Variants in PFKL observed in about 807,000 individuals in gnomAD.
The protein encoded by PFKL is phosphofructokinase, liver type.
Under a neutral mutation model 92.1 loss-of-function variants are expected in PFKL, and 74 were observed. The ratio of observed to expected loss-of-function variants is 0.80; its 90% CI spans 0.67 to 0.97. PFKL has a LOEUF of 0.97. Among genes scored for constraint, PFKL ranks in the 50% least tolerant of loss-of-function variants. The pLI is 0.00. For missense variants in PFKL, 1,028 were observed against 1,116.6 expected, an observed-to-expected ratio of 0.92 and a Z score of 1.13; for synonymous variants, 494 against 456.4, an observed-to-expected ratio of 1.08 and a Z score of -1.05.
intron 15 of PFKL, 128 bp from the exon 16 acceptor site, chr21:44,323,638 C>G (rs1022448396): frequency 1.0e-6 from 1 of 996,590 alleles, no homozygotes; most frequent in African/African-American, 1.6e-5. Flanking sequence ...CAGGTGGGTC[C>G]TGGCGTCCAG....
chr21:44,304,382 C>A, intron 1 of PFKL: 1 of 1,269,890 alleles, frequency 7.9e-7, no homozygotes, highest in Admixed American at 2.5e-5. Flanking sequence ...CAGAGAGGCC[C>A]TGTGGTTGGA....
chr21:44,326,181 A>C lies in PFKL; in HGVS notation c.2112A>C (p.Pro704=). The stretch of plus-strand genomic sequence containing the variant: ...CAGGACGGGTGTTCGCCAATGCCCC[A>C]GACTCGGCCTGCGTGATCGGCCTGA... ...YRKGRVFANA[P]DSACVIGLKK... is the part of the protein sequence containing the mutation. Residue 704 remains proline, a synonymous_variant, in exon 21 of 22, where the codon CCA becomes CCC. Transcript: ENST00000349048. 2 of 1,612,992 alleles carry C rather than the reference A, an allele frequency of 1.2e-6. No homozygotes were observed. Among genetic ancestry groups the C allele is most frequent in the Middle Eastern group, 1.6e-4 (1 of 6,062 alleles).
chr21:44,326,807 CAG>C lies in PFKL; in HGVS notation c.2289_2290del (p.Glu765AlafsTer77), dbSNP rs1306809442. ...CGCATCAGTATGGCCGCCTACGTGT[CAG>C]GGGAGCTGGAGCACGTGACCCGCCG... is the stretch of plus-strand genomic sequence containing the variant. On this transcript the variant is annotated frameshift_variant, in exon 22 of 22. Coordinates refer to ENST00000349048, the MANE Select transcript of PFKL (RefSeq NM_002626.6). LOFTEE classifies it high-confidence loss of function. The C allele has an allele frequency of 2.0e-5, 32 of 1,607,284 alleles. No individual in the cohort carries two copies. The Admixed American group carries it at 4.2e-4, about 21-fold the overall frequency.
At position 44,326,249 on chromosome 21, in the gene PFKL, A is replaced by C. The variant is rs11558848; in HGVS notation, c.2180A>C (p.Lys727Thr). ...VAFSPVTELK[K>T]DTDFEHRMPR... ...TTCAGCCCCGTCACTGAGCTCAAGA[A>C]AGACACTGATTTCGAGTGAGTTCCA... Residue 727 changes from lysine to threonine, a missense_variant, in exon 21 of 22, where the codon AAA (lysine) becomes ACA (threonine). Physicochemically the swap from Lys to Thr is moderately conservative, Grantham distance 78. Coordinates refer to ENST00000349048, the MANE Select transcript of PFKL (RefSeq NM_002626.6). The C allele has an allele frequency of 3.1e-6, 5 of 1,611,146 alleles. No individual in the cohort carries two copies. Among genetic ancestry groups the C allele is most frequent in the Admixed American group, 3.3e-5 (2 of 59,970 alleles).
chr21:44,325,447 AG>A, intron 19 of PFKL, 183 bp downstream of exon 19: 1 of 588,060 alleles, frequency 1.7e-6, no homozygotes, highest in South Asian at 2.0e-5. Flanking sequence ...CATTTCAAGA[AG>A]GGGTGGGGCT....
Position 44,321,766 on chromosome 21 carries a change from C to G in PFKL, c.1229C>G (p.Pro410Arg). 6.3e-7 allele frequency: 1 copy of G among 1,594,902 alleles called. No homozygotes were observed. The highest frequency in any genetic ancestry group is 8.5e-7 in the Non-Finnish European group (1 of 1,171,176). Reference sequence around the variant, plus strand: ...CTGGCCATCCTGAATGTGGGGGCCCCGGCGGCTGGCATGAATGCGGCCGTG... The same window carrying G: ...CTGGCCATCCTGAATGTGGGGGCCCGGGCGGCTGGCATGAATGCGGCCGTG... ...FSLAILNVGA[P>R]AAGMNAAVRS... The change falls in exon 13 of 22, where the codon CCG (proline) becomes CGG (arginine). Residue 410 changes from proline (P) to arginine (R), a missense_variant. By Grantham distance (103) the Pro-to-Arg change is moderately radical. Transcript: ENST00000349048.
intron 4 of PFKL, 116 bp from the exon 5 acceptor site, chr21:44,312,862 C>T: frequency 8.9e-7 from 1 of 1,121,976 alleles, no homozygotes; most frequent in Non-Finnish European, 1.3e-6. Context: ...AACTCCGGGG[C>T]CCCTGCCGGG....
At chr21:44,324,398 GGA>G in intron 16 of PFKL, 91 bp from the exon 17 acceptor site, 2 of 1,360,546 alleles carry the variant, frequency 1.5e-6, no homozygotes, top group South Asian at 2.5e-5. Flanking sequence ...GGCTGGCTTT[GGA>G]GACACAGGGC....
chr21:44,306,850 T>C, intron 2 of PFKL, 96 bp downstream of exon 2: 2 of 1,139,078 alleles, frequency 1.8e-6, no homozygotes, highest in South Asian at 1.3e-5. Flanking sequence ...GGAGACGGGG[T>C]GGTCCTGGCC....
intron 13 of PFKL, 129 bp downstream of exon 13, chr21:44,322,004 G>A: frequency 6.9e-7 from 1 of 1,440,518 alleles, no homozygotes; most frequent in Non-Finnish European, 9.4e-7. Context: ...TGCCCACCCG[G>A]GCCTGGGTAC....
At chr21:44,324,771 T>C (rs2047453146) in intron 17 of PFKL, 85 bp from the exon 18 acceptor site, 1 of 1,577,088 alleles carries the variant, frequency 6.3e-7, no homozygotes, top group African/African-American at 1.3e-5. Context: ...CGTAGCCCAG[T>C]GCTCCTGCTG....
intron 15 of PFKL, among the ~76,000 whole-genome samples, 182 bp downstream of exon 15, chr21:44,323,231 C>G (rs922053410): frequency 3.3e-5 from 5 of 151,942 alleles, no homozygotes; most frequent in East Asian, 1.9e-4. Context: ...TGGGCTGATG[C>G]AGGGGCCGAG....
chr21:44,303,245 A>AG (rs397867106), intron 1 of PFKL, among the ~76,000 whole-genome samples: 1 of 149,044 alleles, frequency 6.7e-6, no homozygotes, highest in African/African-American at 2.5e-5. Flanking sequence ...AAAACAAACA[A>AG]GAAAAAACCC....
chr21:44,320,216 C>T (rs1442015579), intron 12 of PFKL, 69 bp downstream of exon 12: 5 of 1,424,948 alleles, frequency 3.5e-6, no homozygotes, highest in African/African-American at 2.8e-5. Context: ...TTCACGCTGG[C>T]CCCGTGGCTG....
intron 1 of PFKL, among the ~76,000 whole-genome samples, chr21:44,304,620 C>G (rs1308619249): frequency 5.2e-5 from 3 of 58,044 alleles, no homozygotes; most frequent in African/African-American, 9.7e-5. Flanking sequence ...GGACGCCCAG[C>G]CTCAGGCAGC....
chr21:44,325,018 C>A, intron 18 of PFKL, 101 bp downstream of exon 18: 1 of 1,278,640 alleles, frequency 7.8e-7, no homozygotes, highest in Non-Finnish European at 1.1e-6. Context: ...CAGGAGGGGT[C>A]CTTGGAGAGG....
intron 1 of PFKL, among the ~76,000 whole-genome samples, chr21:44,306,365 C>T (rs2070567): frequency 0.16 from 23,919 of 152,174 alleles, 2,036 homozygotes; most frequent in East Asian, 0.37. Flanking sequence ...AGCCTAGAGC[C>T]TGCTGGGTTC....
Position 44,327,133 on chromosome 21 carries a change from G to A in PFKL, c.*271G>A. 2.0e-6 allele frequency: 1 copy of A among 511,324 alleles called. No homozygotes were observed. Among genetic ancestry groups the A allele is most frequent in the Non-Finnish European group, 3.6e-6 (1 of 280,672 alleles). The allele number at this position is 511,324 out of a possible 1,614,324, so 31.7% of individuals were successfully genotyped here. A position where few individuals can be genotyped will look rare whatever the true frequency, so the allele number is the denominator to read the frequency against. Reference sequence around the variant, plus strand: ...AGGGGACGTGGCGCTGTCGGTGTTTGGAGGCTGCTGCCCCCTGGCTTTGGC... The same window carrying A: ...AGGGGACGTGGCGCTGTCGGTGTTTAGAGGCTGCTGCCCCCTGGCTTTGGC... On this transcript the variant is annotated 3_prime_UTR_variant, in exon 22 of 22. Transcript: ENST00000349048.
chr21:44,324,964 G>T, intron 18 of PFKL, 47 bp downstream of exon 18: 1 of 1,538,334 alleles, frequency 6.5e-7, no homozygotes, highest in South Asian at 1.2e-5. Flanking sequence ...TCCAACTCTC[G>T]GGGCTGGGGT....
Sources: gnomAD v4.1 joint callset for allele counts (sites outside exome capture counted in the v4.1 genomes callset) on GRCh38, gnomAD v4.1.1 for gene constraint, MANE v1.5 for transcripts, NCBI Gene and HGNC (gene_info 2026-07-23, HGNC 2026-07-21) for gene names.